The following MYPN variants were observed in gnomAD, a reference collection of about 807,000 sequenced individuals.
MYPN encodes myopalladin, also known as sarcomeric protein myopalladin, 145 kDa (MYOP).
Under a neutral mutation model 129.4 loss-of-function variants are expected in MYPN, and 63 were observed. The observed-to-expected ratio is 0.49, with a 90% CI of 0.40 to 0.60. The LOEUF is 0.60. Among genes scored for constraint, MYPN ranks in the 20% least tolerant of loss-of-function variants. The pLI is 0.00. For synonymous variants in MYPN, 629 were observed against 600.9 expected (o/e 1.05, Z -0.68); for missense variants, 1,596 against 1,635.4 (o/e 0.98, Z 0.42).
intron 2 of MYPN, among the ~76,000 whole-genome samples, chr10:68,139,711 G>A (rs2042544510): frequency 6.6e-6 from 1 of 152,178 alleles, no homozygotes; most frequent in Non-Finnish European, 1.5e-5. Flanking sequence ...ATCAAAGGTT[G>A]CCATAGAACT....
At position 68,121,756 on chromosome 10, in the gene MYPN, A is replaced by G. The variant is rs747576837; in HGVS notation, c.318A>G (p.Lys106=). Residue 106 remains lysine (K), a synonymous_variant, in exon 2 of 20, where the codon AAA becomes AAG. Transcript: ENST00000358913. The part of the protein sequence containing the change: ...ARKRLSPDQM[K]HSPNLSFEPN... Reference sequence around the variant, plus strand: ...AACGACTTTCTCCTGATCAGATGAAACACTCACCTAATTTAAGTTTTGAGC... The same window carrying G: ...AACGACTTTCTCCTGATCAGATGAAGCACTCACCTAATTTAAGTTTTGAGC... The G allele has an allele frequency of 6.2e-7, 1 of 1,614,216 alleles. No homozygotes were observed. The highest frequency in any genetic ancestry group is 8.5e-7 in the Non-Finnish European group (1 of 1,180,030).
intron 2 of MYPN, among the ~76,000 whole-genome samples, chr10:68,123,400 G>T (rs1304543749): frequency 2.0e-5 from 3 of 149,046 alleles, no homozygotes; most frequent in Admixed American, 1.3e-4. Context: ...AATTAGGCCT[G>T]GCGCAGTGGC....
intron 2 of MYPN, among the ~76,000 whole-genome samples, chr10:68,140,142 T>G (rs2042553519): frequency 6.6e-6 from 1 of 152,046 alleles, no homozygotes; most frequent in South Asian, 2.1e-4. Context: ...TTTCAGGCAG[T>G]GCCAAAATTC....
At chr10:68,195,630 G>A in intron 15 of MYPN, 98 bp downstream of exon 15, 1 of 998,952 alleles carries the variant, frequency 1.0e-6, no homozygotes, top group South Asian at 1.3e-5. Context: ...CTTAATTAAA[G>A]GTAGTCCTTC....
chr10:68,143,615 G>A (rs770422831), intron 3 of MYPN, among the ~76,000 whole-genome samples: 49 of 152,178 alleles, frequency 3.2e-4, no homozygotes, highest in Non-Finnish European at 4.7e-4. Flanking sequence ...GGAAGTGGAA[G>A]GAGGGAGGTA....
intron 1 of MYPN, among the ~76,000 whole-genome samples, chr10:68,098,573 C>T (rs78867643): frequency 0.063 from 9,511 of 151,758 alleles, 372 homozygotes; most frequent in African/African-American, 0.1. Flanking sequence ...TGGCTGGGCA[C>T]GGTGACTCAC....
rs10997945 is a variant in MYPN, at chr10:68,144,692, A to G, written c.1079-783A>G. 6.7e-3 allele frequency among the ~76,000 whole-genome samples: 1,024 copies of G among 152,208 alleles called. 12 individuals carry two copies. Among genetic ancestry groups the G allele is most frequent in the African/African-American group, 0.023 (975 of 41,542 alleles). ...GATTTTAAACACCCCCTCTCTCACA[A>G]TGAAGTATGACTTGTTAATATTAGG... On this transcript the variant is annotated intron_variant, in intron 3 of 19. Coordinates refer to ENST00000358913, the MANE Select transcript of MYPN (RefSeq NM_032578.4).
chr10:68,117,675 A>C (rs926156530), intron 1 of MYPN, among the ~76,000 whole-genome samples: 21 of 152,104 alleles, frequency 1.4e-4, no homozygotes, highest in African/African-American at 5.1e-4. Context: ...ATGAATGTAG[A>C]CTTTGGTTTT....
At chr10:68,158,284 C>A (rs534124936) in intron 6 of MYPN, 1 of 579,190 alleles carries the variant, frequency 1.7e-6, no homozygotes, top group Non-Finnish European at 3.0e-6. Context: ...GGAGTAGCCA[C>A]GCTCGCCTGC....
intron 10 of MYPN, 101 bp from the exon 11 acceptor site, chr10:68,173,965 C>A: frequency 2.0e-6 from 2 of 1,008,318 alleles, no homozygotes; most frequent in Non-Finnish European, 3.1e-6. Flanking sequence ...CCATGCCCCG[C>A]CTATCATCAA....
Position 68,165,762 on chromosome 10 carries a change from G to C in MYPN, c.1544G>C (p.Cys515Ser). ...VFAEDSGCFT[C>S]TASNKYGTVS... ...GCAGAAGATTCTGGGTGCTTCACATGTACTGCAAGCAACAAATACGGCACA... is the reference window on the plus strand; with the variant it reads ...GCAGAAGATTCTGGGTGCTTCACATCTACTGCAAGCAACAAATACGGCACA... The change falls in exon 9 of 20, where the codon TGT becomes TCT. Residue 515 changes from cysteine (C) to serine (S), a missense_variant. Cys to Ser is a moderately radical substitution (Grantham distance 112, BLOSUM62 -1). Transcript: ENST00000358913. 6.2e-7 allele frequency: 1 copy of C among 1,614,170 alleles called. No homozygotes were observed.
upstream of MYPN, among the ~76,000 whole-genome samples, chr10:68,105,778 G>A (rs2042007138): frequency 6.6e-6 from 1 of 151,886 alleles, no homozygotes; most frequent in Non-Finnish European, 1.5e-5. Context: ...TTTGGTACCA[G>A]ATAAAGATAT....
intron 12 of MYPN, among the ~76,000 whole-genome samples, chr10:68,181,527 T>G (rs922789089): frequency 6.6e-6 from 1 of 152,074 alleles, no homozygotes; most frequent in African/African-American, 2.4e-5. Context: ...TGACCTCAAG[T>G]GATCCACCTA....
At chr10:68,153,858 C>T (rs1012748400) in intron 6 of MYPN, among the ~76,000 whole-genome samples, 1 of 151,942 alleles carries the variant, frequency 6.6e-6, no homozygotes, top group African/African-American at 2.4e-5. Flanking sequence ...GCATTCCATT[C>T]CCTGTGACTC....
At chr10:68,135,006 C>T (rs575546090) in intron 2 of MYPN, among the ~76,000 whole-genome samples, 1 of 152,064 alleles carries the variant, frequency 6.6e-6, no homozygotes, top group African/African-American at 2.4e-5. Flanking sequence ...GGCTGGAGTA[C>T]AGTGCCATGA....
chr10:68,141,080 C>CA (rs202093048), intron 2 of MYPN, among the ~76,000 whole-genome samples: 3,770 of 151,240 alleles, frequency 0.025, 144 homozygotes, highest in African/African-American at 0.084. Flanking sequence ...ACCACCCCCC[C>CA]AAAAAAAGGG....
intron 14 of MYPN, 123 bp downstream of exon 14, chr10:68,194,635 T>C (rs2043574685): frequency 1.8e-6 from 2 of 1,131,692 alleles, no homozygotes; most frequent in Non-Finnish European, 2.6e-6. Flanking sequence ...TGAGAAGCAT[T>C]GTGATTTTGT....
intron 1 of MYPN, among the ~76,000 whole-genome samples, chr10:68,113,028 G>C (rs970475934): frequency 2.0e-5 from 3 of 152,156 alleles, no homozygotes; most frequent in African/African-American, 7.2e-5. Flanking sequence ...GATATAGAAG[G>C]CAAAACCAAC....
intron 12 of MYPN, among the ~76,000 whole-genome samples, chr10:68,187,948 G>A (rs560670111): frequency 6.6e-6 from 1 of 152,230 alleles, no homozygotes; most frequent in South Asian, 2.1e-4. Flanking sequence ...CAATCTCAGA[G>A]GAAGAAAAAG....
Sources: allele counts gnomAD v4.1 joint callset (sites outside exome capture counted in the v4.1 genomes callset), GRCh38; gene constraint gnomAD v4.1.1; transcripts MANE v1.5; gene names NCBI Gene and HGNC (gene_info 2026-07-23, HGNC 2026-07-21).